Variants in MTSS1 observed in about 807,000 individuals in gnomAD.
MTSS1 encodes MTSS I-BAR domain containing 1.
Under a neutral mutation model 79.0 loss-of-function variants are expected in MTSS1, and 18 were observed. The observed-to-expected ratio is 0.23, with a 90% CI of 0.16 to 0.34. The LOEUF (loss-of-function observed/expected upper bound fraction) is 0.34, where lower values mean the gene tolerates loss of function less well. MTSS1 is among the 10% of genes least tolerant of loss of function. The pLI is 1.00. For synonymous variants in MTSS1, 341 were observed against 368.6 expected, an observed-to-expected ratio of 0.93 and a Z score of 0.86; for missense variants, 815 against 986.2, an observed-to-expected ratio of 0.83 and a Z score of 2.33.
chr8:124,605,416 A>C (rs531946659), intron 3 of MTSS1, among the ~76,000 whole-genome samples: 1 of 152,330 alleles, frequency 6.6e-6, no homozygotes, highest in Non-Finnish European at 1.5e-5. Context: ...GTAATTCAGA[A>C]GGTGGCCAGA....
chr8:124,663,635 C>A (rs756235390), intron 3 of MTSS1, among the ~76,000 whole-genome samples: 1 of 152,134 alleles, frequency 6.6e-6, no homozygotes, highest in Non-Finnish European at 1.5e-5. Context: ...TATGTGGCTC[C>A]TTATTCCTGA....
chr8:124,655,819 T>C (rs1820832714), intron 3 of MTSS1, among the ~76,000 whole-genome samples: 1 of 151,884 alleles, frequency 6.6e-6, no homozygotes, highest in African/African-American at 2.4e-5. Flanking sequence ...CAGACAGAGA[T>C]CAGAGGGAAC....
At chr8:124,599,017 A>G (rs563623648) in intron 3 of MTSS1, among the ~76,000 whole-genome samples, 1 of 152,308 alleles carries the variant, frequency 6.6e-6, no homozygotes, top group African/African-American at 2.4e-5. Flanking sequence ...AGCCAGCCCC[A>G]AAGTGTCCCT....
chr8:124,605,884 C>G (rs186200536), intron 3 of MTSS1, among the ~76,000 whole-genome samples: 38 of 152,056 alleles, frequency 2.5e-4, no homozygotes, highest in African/African-American at 8.9e-4. Context: ...CATGACAAAC[C>G]CTTGCAGGAA....
chr8:124,575,527 G>A (rs1302571483), intron 6 of MTSS1, among the ~76,000 whole-genome samples: 4 of 152,172 alleles, frequency 2.6e-5, no homozygotes, highest in African/African-American at 2.4e-5. Context: ...TTGTCCTTCT[G>A]ACACTGGGTA....
intron 3 of MTSS1, among the ~76,000 whole-genome samples, chr8:124,675,388 G>A (rs1286016962): frequency 2.6e-5 from 4 of 152,222 alleles, no homozygotes; most frequent in Non-Finnish European, 5.9e-5. Flanking sequence ...TTCTCCCTCT[G>A]ACACAGGGTT....
At position 124,568,906 on chromosome 8, in the gene MTSS1, G is replaced by C. The variant is rs1051484571; in HGVS notation, c.461-370C>G. On this transcript the variant is annotated intron_variant, in intron 6 of 13. Coordinates refer to ENST00000518547, the MANE Select transcript of MTSS1 (RefSeq NM_014751.6). Reference sequence around the variant, plus strand: ...ACATTCTGAAGAGGCTAAGAGATGTGGAAACAAGGTAAGAGCCTGTGGGTG... The same window carrying C: ...ACATTCTGAAGAGGCTAAGAGATGTCGAAACAAGGTAAGAGCCTGTGGGTG... 2.9e-6 allele frequency: 4 copies of C among 1,364,078 alleles called. No homozygotes were observed. The African/African-American group carries it at 4.4e-5, about 15-fold the overall frequency. 84.5% of individuals were successfully genotyped at this position (1,364,078 alleles called of 1,614,324 possible).
intron 3 of MTSS1, among the ~76,000 whole-genome samples, chr8:124,593,966 T>C (rs1376897346): frequency 2.1e-5 from 3 of 140,132 alleles, no homozygotes; most frequent in Non-Finnish European, 4.6e-5. Context: ...ATTTTGCTTC[T>C]AGAGCCTGGC....
intron 6 of MTSS1, among the ~76,000 whole-genome samples, chr8:124,575,472 A>G (rs1828783330): frequency 6.6e-6 from 1 of 152,220 alleles, no homozygotes; most frequent in South Asian, 2.1e-4. Context: ...CTGAGCACTC[A>G]CTAAATGTCA....
At chr8:124,593,619 C>T (rs1832240359) in intron 3 of MTSS1, among the ~76,000 whole-genome samples, 1 of 152,222 alleles carries the variant, frequency 6.6e-6, no homozygotes, top group Non-Finnish European at 1.5e-5. Context: ...GGAAGACGTA[C>T]AGCGCTTAGG....
At chr8:124,588,219 A>C (rs1831207905) in intron 5 of MTSS1, among the ~76,000 whole-genome samples, 1 of 152,158 alleles carries the variant, frequency 6.6e-6, no homozygotes, top group Non-Finnish European at 1.5e-5. Context: ...AACCATCCCC[A>C]TAGTCACAAA....
Position 124,552,992 on chromosome 8 carries a change from C to G in MTSS1, c.2268G>C (p.Ter756TyrextTer10). 6.2e-7 allele frequency: 1 copy of G among 1,609,876 alleles called. No individual in the cohort carries two copies. Among genetic ancestry groups the G allele is most frequent in the South Asian group, 1.1e-5 (1 of 91,018 alleles). The change falls in exon 14 of 14, where the codon TAG (stop) becomes TAC (tyrosine). Residue 756 changes from the stop codon to tyrosine, a stop_lost. Coordinates refer to ENST00000518547, the MANE Select transcript of MTSS1 (RefSeq NM_014751.6). The stretch of plus-strand genomic sequence containing the variant: ...CCCCACCGGCGCATTTCTTGTGAAC[C>G]TAAGAAAAGCGAGGGGCTGAGCGAT... ...TNDRSAPRFS[*>Y]
At chr8:124,630,241 C>T (rs78300934) in intron 3 of MTSS1, among the ~76,000 whole-genome samples, 4,135 of 152,308 alleles carry the variant, frequency 0.027, 163 homozygotes, top group African/African-American at 0.094. Flanking sequence ...AGTCTAAGCC[C>T]ACCCCATGCC....
intron 6 of MTSS1, among the ~76,000 whole-genome samples, chr8:124,578,637 A>G: frequency 6.6e-6 from 1 of 151,976 alleles, no homozygotes; most frequent in Non-Finnish European, 1.5e-5. Context: ...TCTACTAAAA[A>G]TAGAAAAATT....
chr8:124,653,494 C>T (rs184313623), intron 3 of MTSS1, among the ~76,000 whole-genome samples: 30 of 152,298 alleles, frequency 2.0e-4, no homozygotes, highest in East Asian at 5.8e-4. Flanking sequence ...GAGGCCAAGG[C>T]GGGTGGATCA....
intron 3 of MTSS1, among the ~76,000 whole-genome samples, chr8:124,621,769 G>C (rs1813559910): frequency 6.6e-6 from 1 of 152,110 alleles, no homozygotes; most frequent in African/African-American, 2.4e-5. Context: ...GGCTGGTCTT[G>C]AACTCCTGAC....
At chr8:124,655,598 G>A (rs908564511) in intron 3 of MTSS1, among the ~76,000 whole-genome samples, 3 of 152,228 alleles carry the variant, frequency 2.0e-5, no homozygotes, top group Admixed American at 6.5e-5. Context: ...AAAGCTTTCT[G>A]TCTTTTTACC....
intron 3 of MTSS1, among the ~76,000 whole-genome samples, chr8:124,686,488 G>A (rs565356005): frequency 2.6e-5 from 4 of 152,164 alleles, no homozygotes; most frequent in South Asian, 2.1e-4. Flanking sequence ...ATGGACTGTC[G>A]AATTCCTAAC....
In MTSS1 at chr8:124,728,153, A is replaced by G. The variant is rs1834009004; in HGVS notation, c.-198T>C. ...TAATAACAGTAATTTAAAAAGCCAA[A>G]CCGCTCTGTAGGGTATTCGCCTACA... On this transcript the variant is annotated 5_prime_UTR_variant, in exon 1 of 14. Transcript: ENST00000518547. The surrounding 1 kb of genome is among the most constrained non-coding windows in gnomAD (Gnocchi z 6.1). The G allele has an allele frequency of 6.1e-6, 3 of 491,038 alleles. No homozygotes were observed. The East Asian group carries it at 1.1e-4, about 18-fold the overall frequency. The allele number at this position is 491,038 out of a possible 1,614,324, so 30.4% of individuals were successfully genotyped here.
Sources: allele counts gnomAD v4.1 joint callset (sites outside exome capture counted in the v4.1 genomes callset), GRCh38; gene constraint gnomAD v4.1.1; non-coding constraint Gnocchi (gnomAD v3.1); transcripts MANE v1.5; gene names NCBI Gene and HGNC (gene_info 2026-07-23, HGNC 2026-07-21).